Variants in NEK1 observed in about 807,000 individuals in gnomAD.
NEK1 encodes NIMA related kinase 1, also known as serine/threonine-protein kinase Nek1.
A neutral mutation model predicts 182.1 loss-of-function variants in NEK1; 137 were observed. The ratio of observed to expected loss-of-function variants is 0.75; its 90% CI spans 0.65 to 0.87. The LOEUF is 0.87. Among genes scored for constraint, NEK1 ranks in the 40% least tolerant of loss-of-function variants. The pLI, the probability that NEK1 is intolerant of heterozygous loss-of-function variation, is 0.00. For synonymous variants in NEK1, 513 were observed against 492.2 expected, an observed-to-expected ratio of 1.04 and a Z score of -0.56; for missense variants, 1,391 against 1,494.4, an observed-to-expected ratio of 0.93 and a Z score of 1.14.
chr4:169,475,377 G>T (rs987985162), intron 26 of NEK1, among the ~76,000 whole-genome samples: 2 of 151,932 alleles, frequency 1.3e-5, no homozygotes, highest in African/African-American at 4.8e-5. Context: ...CTCCTAAATG[G>T]GTATAATTAG....
intron 11 of NEK1, among the ~76,000 whole-genome samples, chr4:169,579,146 C>T (rs1185705921): frequency 1.3e-5 from 2 of 152,274 alleles, no homozygotes; most frequent in East Asian, 3.9e-4. Flanking sequence ...GAGTATTTTT[C>T]AGGATCATTG....
chr4:169,399,127 C>T (rs1731205932), intron 35 of NEK1, among the ~76,000 whole-genome samples: 1 of 151,654 alleles, frequency 6.6e-6, no homozygotes, highest in Non-Finnish European at 1.5e-5. Context: ...CACCTGTAGG[C>T]CAAGCTACTC....
rs1053680850 is a variant in NEK1, at chr4:169,605,736, A to T, written c.-48-3058T>A. Among the ~76,000 whole-genome samples the T allele has an allele frequency of 6.6e-5, 10 of 152,338 alleles. No homozygotes were observed. In the East Asian group the frequency reaches 1.9e-3, roughly 29 times the overall value. ...TGCCTTTTCTACCATTCAGTTTCCA[A>T]CATCAAATGAAAATCACAATACCAA... On this transcript the variant is annotated intron_variant, in intron 2 of 35. Transcript: ENST00000507142.
At chr4:169,604,906 T>C (rs2150149704) in intron 2 of NEK1, among the ~76,000 whole-genome samples, 1 of 152,250 alleles carries the variant, frequency 6.6e-6, no homozygotes, top group Admixed American at 6.5e-5. Context: ...AGAAAAGTTG[T>C]TCCAAATATA....
At chr4:169,468,838 T>G (rs759704251) in intron 26 of NEK1, among the ~76,000 whole-genome samples, 1 of 152,072 alleles carries the variant, frequency 6.6e-6, no homozygotes, top group African/African-American at 2.4e-5. Context: ...CTTCCTAGTT[T>G]AGTCTTGGGA....
intron 5 of NEK1, among the ~76,000 whole-genome samples, chr4:169,595,822 C>T (rs1468394534): frequency 6.8e-6 from 1 of 146,804 alleles, no homozygotes; most frequent in Non-Finnish European, 1.5e-5. Flanking sequence ...ACTCAGGAGG[C>T]TGAGGCAGAA....
intron 27 of NEK1, among the ~76,000 whole-genome samples, chr4:169,452,294 G>A (rs1415236054): frequency 2.6e-5 from 4 of 152,160 alleles, no homozygotes; most frequent in Non-Finnish European, 5.9e-5. Context: ...TAGAAAAAGA[G>A]GGAATCCTCC....
chr4:169,538,161 A>G (rs1269944508), intron 18 of NEK1, among the ~76,000 whole-genome samples: 1 of 152,096 alleles, frequency 6.6e-6, no homozygotes, highest in African/African-American at 2.4e-5. Context: ...TTTTATATTT[A>G]TTTGATCTAT....
intron 27 of NEK1, among the ~76,000 whole-genome samples, chr4:169,462,180 G>C (rs1452175242): frequency 6.6e-6 from 1 of 151,792 alleles, no homozygotes; most frequent in Non-Finnish European, 1.5e-5. Context: ...TTTTTTTCCA[G>C]AGAGTTTTGC....
intron 28 of NEK1, among the ~76,000 whole-genome samples, chr4:169,434,051 A>G (rs966265853): frequency 1.3e-5 from 2 of 152,192 alleles, no homozygotes; most frequent in African/African-American, 4.8e-5. Context: ...ATAGACTGTG[A>G]TATTACTGAT....
chr4:169,414,102 T>C (rs769594975), intron 31 of NEK1, among the ~76,000 whole-genome samples: 31 of 152,236 alleles, frequency 2.0e-4, no homozygotes, highest in Admixed American at 1.0e-3. Flanking sequence ...ATACTATTCA[T>C]ACTATTAGCC....
chr4:169,611,953 G>A (rs1172453555), intron 2 of NEK1, 67 bp downstream of exon 2: 2 of 152,088 alleles, frequency 1.3e-5, no homozygotes. Context: ...GCAGTTCTAC[G>A]CACATCTCAT....
intron 16 of NEK1, among the ~76,000 whole-genome samples, chr4:169,558,599 G>C (rs78243998): frequency 0.017 from 2,648 of 152,182 alleles, 35 homozygotes; most frequent in Non-Finnish European, 0.028. Context: ...TGTATAAACA[G>C]GCTATTCTTT....
intron 27 of NEK1, among the ~76,000 whole-genome samples, chr4:169,462,972 T>C (rs544921142): frequency 6.6e-6 from 1 of 152,214 alleles, no homozygotes; most frequent in South Asian, 2.1e-4. Flanking sequence ...ATATCTGTTT[T>C]CATGTAAAAC....
chr4:169,532,929 A>G (rs1561360979), intron 19 of NEK1, among the ~76,000 whole-genome samples: 1 of 152,068 alleles, frequency 6.6e-6, no homozygotes, highest in Non-Finnish European at 1.5e-5. Context: ...AAAGAAAGGA[A>G]AGGAAAGGAA....
At chr4:169,553,871 A>G (rs1761772168) in intron 18 of NEK1, among the ~76,000 whole-genome samples, 1 of 152,224 alleles carries the variant, frequency 6.6e-6, no homozygotes, top group Non-Finnish European at 1.5e-5. Flanking sequence ...GGCAACAGGA[A>G]TTCTTAATCA....
intron 2 of NEK1, among the ~76,000 whole-genome samples, chr4:169,608,138 CA>C (rs1305331580): frequency 1.3e-5 from 2 of 150,762 alleles, no homozygotes; most frequent in African/African-American, 4.9e-5. Context: ...CACACACACA[CA>C]AAGAAGAAGA....
rs139499731 is a variant in NEK1 at position 169,420,668 on chromosome 4, A to G, written c.3222+3885T>C. The stretch of plus-strand genomic sequence containing the variant: ...CCTATAGTTGTAAGGTTTTTATGAC[A>G]TATGTGAAGTGGTATAATATTATTT... On this transcript the variant is annotated intron_variant, in intron 31 of 35. Coordinates refer to ENST00000507142, the MANE Select transcript of NEK1 (RefSeq NM_001199397.3). Among the ~76,000 whole-genome samples, 856 of 152,322 alleles carry G rather than the reference A, an allele frequency of 5.6e-3. 5 individuals are homozygous for G. The highest frequency in any genetic ancestry group is 0.019 in the African/African-American group (788 of 41,568).
intron 12 of NEK1, among the ~76,000 whole-genome samples, chr4:169,565,710 T>C (rs1190625469): frequency 6.6e-6 from 1 of 152,188 alleles, no homozygotes; most frequent in Non-Finnish European, 1.5e-5. Context: ...AAAGACCACA[T>C]ACTATATGAT....
Sources: gnomAD v4.1 joint callset for allele counts (sites outside exome capture counted in the v4.1 genomes callset) on GRCh38, gnomAD v4.1.1 for gene constraint, MANE v1.5 for transcripts, NCBI Gene and HGNC (gene_info 2026-07-23, HGNC 2026-07-21) for gene names.